Variants in RDH13 observed in about 807,000 individuals in gnomAD.
RDH13 encodes the protein retinol dehydrogenase 13.
A neutral mutation model predicts 28.3 loss-of-function variants in RDH13; 35 were observed. The ratio of observed to expected loss-of-function variants is 1.24; its 90% CI spans 0.95 to 1.64. The LOEUF (loss-of-function observed/expected upper bound fraction) is 1.64, where lower values mean the gene tolerates loss of function less well. Among genes scored for constraint, RDH13 ranks in the 40% most tolerant of loss-of-function variants. The pLI, the probability that RDH13 is intolerant of heterozygous loss-of-function variation, is 0.00. For synonymous variants in RDH13, 229 were observed against 198.5 expected (o/e 1.15, Z -1.29); for missense variants, 514 against 446.3 (o/e 1.15, Z -1.37).
Position 55,047,365 on chromosome 19 carries a change from C to T in RDH13, c.760+22G>A, listed in dbSNP as rs979178887. 4.4e-6 allele frequency: 7 copies of T among 1,607,292 alleles called. No individual in the cohort carries two copies. In the Admixed American group the frequency reaches 1.2e-4, roughly 27 times the overall value. ...GGGGTGGAGGGCTCCACGTGGAGAC[C>T]CCAGGCTGGGAGGGGACTCACCGAG... is the stretch of plus-strand genomic sequence containing the variant. On this transcript the variant is annotated intron_variant, in intron 6 of 6. Coordinates refer to ENST00000415061, the MANE Select transcript of RDH13 (RefSeq NM_001145971.2).
At chr19:55,066,644 CCTCTTTCTCT>C (rs1364564170), upstream of RDH13, among the ~76,000 whole-genome samples, 2 of 148,190 alleles carry the variant, frequency 1.3e-5, no homozygotes, top group Non-Finnish European at 3.0e-5. Flanking sequence ...TCTCTCTCTC[CCTCTTTCTCT>C]TTCTCTCTCT....
upstream of RDH13, among the ~76,000 whole-genome samples, chr19:55,066,956 A>G (rs1177304611): frequency 6.6e-6 from 1 of 152,178 alleles, no homozygotes; most frequent in Non-Finnish European, 1.5e-5. Context: ...GGGCACACAG[A>G]TAAGCTGCCT....
intron 1 of RDH13, among the ~76,000 whole-genome samples, chr19:55,061,944 C>G (rs2075819627): frequency 6.6e-6 from 1 of 152,084 alleles, no homozygotes; most frequent in African/African-American, 2.4e-5. Context: ...ATGGAGAAAC[C>G]TCGTCTCTAC....
chr19:55,048,322 C>G lies in RDH13; in HGVS notation c.658+7G>C. The G allele has an allele frequency of 6.2e-7, 1 of 1,614,056 alleles. No individual in the cohort carries two copies. Among genetic ancestry groups the G allele is most frequent in the South Asian group, 1.1e-5 (1 of 91,084 alleles). On this transcript the variant is annotated splice_region_variant and intron_variant, in intron 5 of 6. Transcript: ENST00000415061. ...CAAGAGGGAGGCCGAGCCTAGCGCC[C>G]CCGTACCTTGCAGCCGCCGGCTCAG...
At chr19:55,053,304 A>G (rs1213082518) in intron 3 of RDH13, among the ~76,000 whole-genome samples, 1 of 152,100 alleles carries the variant, frequency 6.6e-6, no homozygotes, top group East Asian at 1.9e-4. Flanking sequence ...GATCTTAGGA[A>G]AACACCAAGA....
chr19:55,048,819 T>C (rs1345926161), intron 3 of RDH13, 56 bp from the exon 4 acceptor site: 97 of 1,437,860 alleles, frequency 6.7e-5, no homozygotes, highest in Non-Finnish European at 9.2e-5. Flanking sequence ...CCCAGCCTGA[T>C]GCACCAGCAG....
rs574966626 is a variant in RDH13, at chr19:55,062,643, G to A, written c.65+325C>T. 2.0e-5 allele frequency among the ~76,000 whole-genome samples: 3 copies of A among 152,352 alleles called. No homozygotes were observed. The East Asian group carries it at 5.8e-4, about 29-fold the overall frequency. On this transcript the variant is annotated intron_variant, in intron 1 of 6. Transcript: ENST00000415061. Reference sequence around the variant, plus strand: ...TGCAGTGAGCCAAGATCGCGCCACTGCACTCCAGCCTGGGCGACAGAGCCA... The same window carrying A: ...TGCAGTGAGCCAAGATCGCGCCACTACACTCCAGCCTGGGCGACAGAGCCA...
intron 1 of RDH13, among the ~76,000 whole-genome samples, chr19:55,061,943 C>G (rs2075819559): frequency 6.6e-6 from 1 of 152,088 alleles, no homozygotes; most frequent in South Asian, 2.1e-4. Context: ...CATGGAGAAA[C>G]CTCGTCTCTA....
chr19:55,067,943 C>A (rs1307905386), upstream of RDH13, among the ~76,000 whole-genome samples: 1 of 150,886 alleles, frequency 6.6e-6, no homozygotes, highest in African/African-American at 2.4e-5. Flanking sequence ...CTGTCTCCCT[C>A]TTTCTGTCCC....
upstream of RDH13, among the ~76,000 whole-genome samples, chr19:55,065,818 A>G (rs1360479111): frequency 6.6e-6 from 1 of 152,190 alleles, no homozygotes; most frequent in Non-Finnish European, 1.5e-5. Context: ...CCTGGGTTCA[A>G]GCGATTCTCC....
chr19:55,051,679 C>T (rs2075441389), intron 3 of RDH13, among the ~76,000 whole-genome samples: 1 of 151,420 alleles, frequency 6.6e-6, no homozygotes, highest in East Asian at 1.9e-4. Context: ...CCACCCGCCT[C>T]TGCCTCCCAA....
At chr19:55,062,590 G>T (rs2075840324) in intron 1 of RDH13, among the ~76,000 whole-genome samples, 1 of 151,994 alleles carries the variant, frequency 6.6e-6, no homozygotes, top group Non-Finnish European at 1.5e-5. Flanking sequence ...CAAGGTGGGA[G>T]GATCACCTGA....
At position 55,047,505 on chromosome 19, in the gene RDH13, G is replaced by A. The variant is rs749126121; in HGVS notation, c.659-17C>T. ...CACCAGAGCCTGGGGAAGAAAGAAA[G>A]AGAAGACTGAGGGAGGGGTCCAGCC... On this transcript the variant is annotated splice_polypyrimidine_tract_variant and intron_variant, in intron 5 of 6. Transcript: ENST00000415061. The A allele has an allele frequency of 3.8e-6, 6 of 1,595,838 alleles. No individual in the cohort carries two copies. The highest frequency in any genetic ancestry group is 5.1e-6 in the Non-Finnish European group (6 of 1,176,396).
At chr19:55,041,457 A>C (rs2075027593), downstream of RDH13, 1 of 152,304 alleles carries the variant, frequency 6.6e-6, no homozygotes, top group African/African-American at 2.4e-5. Context: ...TGACACATAT[A>C]GGTGGGAAGG....
chr19:55,062,177 TGTC>T (rs1461893748), intron 1 of RDH13, among the ~76,000 whole-genome samples: 1 of 151,090 alleles, frequency 6.6e-6, no homozygotes, highest in African/African-American at 2.4e-5. Flanking sequence ...CGTGAGGTAA[TGTC>T]GTCACACCTT....
chr19:55,066,061 A>G (rs546989380), upstream of RDH13, among the ~76,000 whole-genome samples: 16 of 152,308 alleles, frequency 1.1e-4, no homozygotes, highest in East Asian at 3.1e-3. Context: ...GTCATTCATA[A>G]CAAGGACTTA....
chr19:55,063,155 G>T (rs868553204), upstream of RDH13: 6 of 920,036 alleles, frequency 6.5e-6, no homozygotes, highest in South Asian at 3.1e-5. Context: ...GCGCAGGCGC[G>T]GCTGGGCCCG....
At chr19:55,062,520 A>C (rs1005423658) in intron 1 of RDH13, among the ~76,000 whole-genome samples, 8 of 152,128 alleles carry the variant, frequency 5.3e-5, no homozygotes, top group Non-Finnish European at 7.4e-5. Context: ...CGTCTCTGCG[A>C]AAAATACAAA....
chr19:55,061,154 G>A (rs2075796373), intron 1 of RDH13, among the ~76,000 whole-genome samples: 1 of 152,040 alleles, frequency 6.6e-6, no homozygotes. Flanking sequence ...TTGAGACAGA[G>A]TCTCGCTCTG....
Sources: gnomAD v4.1 joint callset for allele counts (sites outside exome capture counted in the v4.1 genomes callset) on GRCh38, gnomAD v4.1.1 for gene constraint, MANE v1.5 for transcripts, NCBI Gene and HGNC (gene_info 2026-07-23, HGNC 2026-07-21) for gene names.